The following STK3 variants were observed in gnomAD, a reference collection of about 807,000 sequenced individuals.
STK3 encodes the protein serine/threonine-protein kinase 3.
In STK3, 41 loss-of-function variants were observed where a neutral mutation model predicts 58.0. That is an observed-to-expected ratio of 0.71 (90% confidence interval 0.55 to 0.92). The LOEUF (loss-of-function observed/expected upper bound fraction) is 0.92. Among genes scored for constraint, STK3 ranks in the 40% least tolerant of loss-of-function variants. The probability of loss-of-function intolerance (pLI) is 0.00; values close to 1 mark genes in which losing one functional copy is unlikely to be tolerated. For missense variants in STK3, 479 were observed against 602.7 expected, an observed-to-expected ratio of 0.79 and a Z score of 2.15; for synonymous variants, 170 against 191.0, an observed-to-expected ratio of 0.89 and a Z score of 0.91.
rs561320833 is a variant in STK3, at chr8:98,783,694, T to G, written c.27-8875A>C. Among the ~76,000 whole-genome samples, 21 of 152,348 alleles carry G rather than the reference T, an allele frequency of 1.4e-4. No individual in the cohort carries two copies. The East Asian group carries it at 3.1e-3, about 22-fold the overall frequency. ...CTGTTTGATGCATCTTACTCACAAGTAGAACTTTCAAAATTGGAATCAATC... is the reference window on the plus strand; with the variant it reads ...CTGTTTGATGCATCTTACTCACAAGGAGAACTTTCAAAATTGGAATCAATC... On this transcript the variant is annotated intron_variant, in intron 1 of 10. Transcript: ENST00000419617.
chr8:98,774,819 A>T lies in STK3; in HGVS notation c.27T>A (p.Ser9Arg), dbSNP rs1157289261. The change falls in exon 2 of 11, where the codon AGT becomes AGA. Residue 9 changes from serine to arginine, a missense_variant and splice_region_variant. Ser to Arg is a moderately radical substitution (Grantham distance 110). This residue lies in a region of STK3 where 44 missense variants were observed against 37.0 expected (regional missense o/e 1.19). Transcript: ENST00000419617. ...TGTCTTCACTCAGCTTTTTTAGTTT[A>T]CTGATTTAAAAAAGAAAGAAGAAAG... MEQPPAPK[S>R]KLKKLSEDSL... 5.2e-6 allele frequency: 8 copies of T among 1,542,748 alleles called. No individual in the cohort carries two copies. The highest frequency in any genetic ancestry group is 6.1e-6 in the Non-Finnish European group (7 of 1,150,430).
intron 6 of STK3, among the ~76,000 whole-genome samples, chr8:98,617,213 C>T (rs1429442678): frequency 6.6e-6 from 1 of 151,058 alleles, no homozygotes; most frequent in Non-Finnish European, 1.5e-5. Flanking sequence ...TGAATGACTA[C>T]TGGGTACATA....
At chr8:98,871,408 C>T (rs1240802823) in intron 3 of STK3, among the ~76,000 whole-genome samples, 4 of 152,096 alleles carry the variant, frequency 2.6e-5, no homozygotes, top group Non-Finnish European at 4.4e-5. Flanking sequence ...ATGGGGATGG[C>T]GTTGAATCTA....
chr8:98,368,371 C>T (rs1200964536), downstream of STK3, among the ~76,000 whole-genome samples: 3 of 152,254 alleles, frequency 2.0e-5, no homozygotes, highest in East Asian at 3.9e-4. Context: ...ATCCTGGGCC[C>T]CCATAACATG....
At chr8:98,830,681 A>G (rs1333476531), upstream of STK3, among the ~76,000 whole-genome samples, 1 of 152,134 alleles carries the variant, frequency 6.6e-6, no homozygotes, top group African/African-American at 2.4e-5. Flanking sequence ...TGTGAAAGTA[A>G]GGTAATCGGC....
intron 3 of STK3, among the ~76,000 whole-genome samples, chr8:98,842,826 C>T (rs1052877921): frequency 6.6e-6 from 1 of 151,998 alleles, no homozygotes; most frequent in Admixed American, 6.6e-5. Context: ...CATGGTGAAA[C>T]CTCCCTGTCT....
At chr8:98,610,266 T>C (rs569645564) in intron 6 of STK3, among the ~76,000 whole-genome samples, 1 of 152,256 alleles carries the variant, frequency 6.6e-6, no homozygotes, top group Admixed American at 6.5e-5. Flanking sequence ...GTAATGTAAC[T>C]TAGTATAATT....
chr8:98,434,499 C>A (rs956263565), intron 2 of STK3, among the ~76,000 whole-genome samples: 1 of 152,250 alleles, frequency 6.6e-6, no homozygotes, highest in Non-Finnish European at 1.5e-5. Flanking sequence ...AAGGCCCTTA[C>A]ATGGCTGTTA....
chr8:98,846,552 T>C (rs773438528), intron 3 of STK3, among the ~76,000 whole-genome samples: 1 of 152,184 alleles, frequency 6.6e-6, no homozygotes, highest in African/African-American at 2.4e-5. Context: ...GAGAGCTTTG[T>C]TTTCTGGCAG....
intron 6 of STK3, among the ~76,000 whole-genome samples, chr8:98,633,099 C>T (rs1819377925): frequency 6.6e-6 from 1 of 151,840 alleles, no homozygotes; most frequent in African/African-American, 2.4e-5. Context: ...AAGATGATAA[C>T]TTGTATGGTC....
intron 3 of STK3, among the ~76,000 whole-genome samples, chr8:98,764,995 G>C (rs1830854889): frequency 1.3e-5 from 2 of 152,170 alleles, no homozygotes; most frequent in Non-Finnish European, 2.9e-5. Flanking sequence ...GGAAGATAAT[G>C]GGTTGGAGGA....
At chr8:98,581,620 A>G (rs143017837) in intron 7 of STK3, among the ~76,000 whole-genome samples, 1 of 151,562 alleles carries the variant, frequency 6.6e-6, no homozygotes, top group African/African-American at 2.4e-5. Flanking sequence ...GAAAGTTTTC[A>G]GTCTTACTAG....
At chr8:98,743,196 C>T (rs910333053) in intron 4 of STK3, among the ~76,000 whole-genome samples, 2 of 151,508 alleles carry the variant, frequency 1.3e-5, no homozygotes, top group African/African-American at 4.9e-5. Flanking sequence ...CATCAAGCTA[C>T]CAATGACTTT....
At chr8:98,426,518 C>G (rs908203918) in intron 3 of STK3, among the ~76,000 whole-genome samples, 1 of 152,080 alleles carries the variant, frequency 6.6e-6, no homozygotes, top group South Asian at 2.1e-4. Context: ...CTCCCGCCCC[C>G]CGCGTACTAA....
chr8:98,416,364 G>GTTTTTTTTTTTTTT (rs57447680), intron 3 of STK3, among the ~76,000 whole-genome samples: 4 of 79,532 alleles, frequency 5.0e-5, no homozygotes, highest in East Asian at 3.6e-4. Flanking sequence ...GTTTGAAACT[G>GTTTTTTTTTTTTTT]TTTTTTTTTT....
chr8:98,832,259 T>C (rs62532592), intron 3 of STK3, among the ~76,000 whole-genome samples: 18 of 136,652 alleles, frequency 1.3e-4, no homozygotes, highest in Non-Finnish European at 2.5e-4. Flanking sequence ...AAAAAAAATA[T>C]ATATATATAT....
At chr8:98,464,459 T>C (rs1441328451) in intron 10 of STK3, among the ~76,000 whole-genome samples, 2 of 148,352 alleles carry the variant, frequency 1.3e-5, no homozygotes, top group Non-Finnish European at 3.0e-5. Context: ...GGTCCACTGA[T>C]TGGTTTAGAT....
chr8:98,559,400 T>A (rs1429487045), intron 8 of STK3, among the ~76,000 whole-genome samples: 1 of 152,136 alleles, frequency 6.6e-6, no homozygotes, highest in Non-Finnish European at 1.5e-5. Context: ...AACGCAGTAT[T>A]CCATGGTGAA....
chr8:98,616,682 C>T (rs1265872031), intron 6 of STK3, among the ~76,000 whole-genome samples: 2 of 151,188 alleles, frequency 1.3e-5, no homozygotes, highest in African/African-American at 2.4e-5. Flanking sequence ...ATAAAACAGA[C>T]GTTAAACCAA....
Sources: gnomAD v4.1 joint callset for allele counts (sites outside exome capture counted in the v4.1 genomes callset) on GRCh38, gnomAD v4.1.1 for gene constraint, gnomAD v4.1.1 regional missense constraint, MANE v1.5 for transcripts, NCBI Gene and HGNC (gene_info 2026-07-23, HGNC 2026-07-21) for gene names.